The following CREB5 variants were observed in gnomAD, a reference collection of about 807,000 sequenced individuals.
The protein encoded by CREB5 is cAMP responsive element binding protein 5.
In CREB5, 19 loss-of-function variants were observed where a neutral mutation model predicts 57.1. The ratio of observed to expected loss-of-function variants is 0.33; its 90% CI spans 0.23 to 0.49. CREB5 has a LOEUF of 0.49. Among genes scored for constraint, CREB5 ranks in the 20% least tolerant of loss-of-function variants. The pLI is 0.99. For synonymous variants in CREB5, 238 were observed against 238.3 expected (o/e 1.00, Z 0.01); for missense variants, 579 against 671.6 (o/e 0.86, Z 1.52).
chr7:28,682,881 G>A (rs1336448869), intron 5 of CREB5, among the ~76,000 whole-genome samples: 1 of 152,200 alleles, frequency 6.6e-6, no homozygotes, highest in African/African-American at 2.4e-5. Context: ...GAGTCCAAAA[G>A]CATTCTGAAC....
intron 4 of CREB5, among the ~76,000 whole-genome samples, chr7:28,518,638 C>G (rs1265660381): frequency 6.6e-6 from 1 of 152,128 alleles, no homozygotes; most frequent in Non-Finnish European, 1.5e-5. Flanking sequence ...CCCTTGTAAC[C>G]CCACTTGGTT....
At position 28,822,964 on chromosome 7, in the gene CREB5, G is replaced by A. The variant is rs1292085448; in HGVS notation, c.*3685G>A. On this transcript the variant is annotated 3_prime_UTR_variant, in exon 11 of 11. Transcript: ENST00000357727. ...TCACAGTATATATTATAGTAATTAG[G>A]GTGACTTAGAGCAAATACTCTTCAG... 1 of 152,574 alleles carries A rather than the reference G, an allele frequency of 6.6e-6. No homozygotes were observed. The highest frequency in any genetic ancestry group is 6.5e-5 in the Admixed American group (1 of 15,276). 9.5% of individuals were successfully genotyped at this position (152,574 alleles called of 1,614,324 possible).
At position 28,617,781 on chromosome 7, in the gene CREB5, G is replaced by A. The variant is rs1474434839; in HGVS notation, c.464+47244G>A. On this transcript the variant is annotated intron_variant, in intron 5 of 10. Transcript: ENST00000357727. ...AGCGCTCTATTTTTAAAAAATCAGA[G>A]CCTTTCTTGGAGGCCATGAAATTCT... Among the ~76,000 whole-genome samples the A allele has an allele frequency of 2.0e-5, 3 of 152,314 alleles. No individual in the cohort carries two copies. In the East Asian group the frequency reaches 5.8e-4, roughly 29 times the overall value.
intron 3 of CREB5, 129 bp from the exon 4 acceptor site, chr7:28,507,487 C>A (rs1284669611): frequency 1.8e-6 from 2 of 1,099,978 alleles, no homozygotes; most frequent in East Asian, 2.5e-5. Flanking sequence ...ATTTAAAGGG[C>A]CAAGAGACTG....
chr7:28,710,696 C>T (rs1036062877), intron 5 of CREB5, among the ~76,000 whole-genome samples: 1 of 152,106 alleles, frequency 6.6e-6, no homozygotes, highest in Non-Finnish European at 1.5e-5. Flanking sequence ...CTACAGAACA[C>T]ATTTAATTTA....
intron 2 of CREB5, among the ~76,000 whole-genome samples, chr7:28,488,643 C>T (rs1295426314): frequency 6.6e-6 from 1 of 152,156 alleles, no homozygotes; most frequent in Non-Finnish European, 1.5e-5. Context: ...TAGCTTAACA[C>T]CATAGGTTAA....
intron 5 of CREB5, among the ~76,000 whole-genome samples, chr7:28,683,268 CTT>C (rs1023415332): frequency 3.3e-5 from 5 of 152,226 alleles, no homozygotes; most frequent in Admixed American, 1.3e-4. Context: ...TCTTGTCTCT[CTT>C]TAGCTGCTCA....
chr7:28,422,840 A>G (rs570791995), intron 1 of CREB5, among the ~76,000 whole-genome samples: 21 of 152,328 alleles, frequency 1.4e-4, no homozygotes, highest in Admixed American at 8.5e-4. Flanking sequence ...TGTTTGCCCA[A>G]TAGCCCATAC....
In CREB5 at chr7:28,339,034, T is replaced by C. The variant is rs964769359; in HGVS notation, c.-25+39593T>C. Among the ~76,000 whole-genome samples, 10 of 152,136 alleles carry C rather than the reference T, an allele frequency of 6.6e-5. 1 individual carries two copies. The highest frequency in any genetic ancestry group is 1.3e-4 in the Non-Finnish European group (9 of 68,016). ...TCTGAATTCCTTCTCTGTGTTGTCT[T>C]GAATTTCTTTGAGTTTCCTCAAAAC... On this transcript the variant is annotated intron_variant, in intron 1 of 9. Coordinates refer to the CREB5 transcript ENST00000396299.
At chr7:28,728,348 AG>A (rs1803440293) in intron 7 of CREB5, among the ~76,000 whole-genome samples, 1 of 152,248 alleles carries the variant, frequency 6.6e-6, no homozygotes, top group African/African-American at 2.4e-5. Context: ...CCAGTAACAA[AG>A]CTTTTGATCA....
At chr7:28,500,273 G>A (rs1485290461) in intron 3 of CREB5, among the ~76,000 whole-genome samples, 2 of 152,108 alleles carry the variant, frequency 1.3e-5, no homozygotes, top group Non-Finnish European at 2.9e-5. Flanking sequence ...CAGGAAGCGG[G>A]GTCAGGAAAG....
intron 4 of CREB5, among the ~76,000 whole-genome samples, chr7:28,560,613 T>G (rs1795044693): frequency 6.6e-6 from 1 of 151,976 alleles, no homozygotes; most frequent in Non-Finnish European, 1.5e-5. Context: ...GCTAGTGGGA[T>G]GGTCAAGAAG....
chr7:28,782,461 C>CT (rs1180228529), intron 7 of CREB5, among the ~76,000 whole-genome samples: 2 of 152,082 alleles, frequency 1.3e-5, no homozygotes. Flanking sequence ...TTTAATTTTT[C>CT]TTTTTTGCTC....
intron 1 of CREB5, among the ~76,000 whole-genome samples, chr7:28,311,454 C>A (rs1419961439): frequency 6.6e-6 from 1 of 152,254 alleles, no homozygotes; most frequent in African/African-American, 2.4e-5. Flanking sequence ...ACTGTCCTCT[C>A]TTCCCTCTTC....
intron 4 of CREB5, among the ~76,000 whole-genome samples, chr7:28,524,477 G>A (rs370481377): frequency 1.3e-5 from 2 of 152,144 alleles, no homozygotes; most frequent in East Asian, 1.9e-4. Flanking sequence ...ACTCCAGCCC[G>A]GGTGACAGAG....
chr7:28,499,570 C>A (rs1446186229), intron 3 of CREB5, among the ~76,000 whole-genome samples: 3 of 152,136 alleles, frequency 2.0e-5, no homozygotes, highest in African/African-American at 4.8e-5. Flanking sequence ...AAGAAAGACA[C>A]ACAGAACCGT....
intron 7 of CREB5, among the ~76,000 whole-genome samples, chr7:28,776,924 C>T (rs1055127370): frequency 1.1e-4 from 16 of 152,250 alleles, no homozygotes; most frequent in African/African-American, 3.6e-4. Flanking sequence ...GGCTATACCA[C>T]ATTTTATTCA....
chr7:28,795,473 CA>C (rs1807974632), intron 7 of CREB5, among the ~76,000 whole-genome samples: 1 of 152,106 alleles, frequency 6.6e-6, no homozygotes, highest in Non-Finnish European at 1.5e-5. Flanking sequence ...AGGAGGGTAC[CA>C]GTATCTGGCA....
intron 1 of CREB5, among the ~76,000 whole-genome samples, chr7:28,452,186 C>A (rs1202975892): frequency 6.6e-6 from 1 of 152,162 alleles, no homozygotes; most frequent in East Asian, 1.9e-4. Context: ...ATCATGCCTT[C>A]ATTGTCACCA....
Sources: gnomAD v4.1 joint callset for allele counts (sites outside exome capture counted in the v4.1 genomes callset) on GRCh38, gnomAD v4.1.1 for gene constraint, MANE v1.5 for transcripts, NCBI Gene and HGNC (gene_info 2026-07-23, HGNC 2026-07-21) for gene names.